The following GBF1 variants were observed in gnomAD, a reference collection of about 807,000 sequenced individuals.
GBF1 encodes the protein golgi brefeldin A resistant guanine nucleotide exchange factor 1.
In GBF1, 114 loss-of-function variants were observed where a neutral mutation model predicts 210.5. The observed-to-expected ratio is 0.54, with a 90% CI of 0.47 to 0.63. The LOEUF (loss-of-function observed/expected upper bound fraction) is 0.63, where lower values mean the gene tolerates loss of function less well. Among genes scored for constraint, GBF1 ranks in the 30% least tolerant of loss-of-function variants. The probability of loss-of-function intolerance (pLI) is 0.00; values close to 1 mark genes in which losing one functional copy is unlikely to be tolerated. For synonymous variants in GBF1, 850 were observed against 889.2 expected, an observed-to-expected ratio of 0.96 and a Z score of 0.78; for missense variants, 1,851 against 2,357.7, an observed-to-expected ratio of 0.79 and a Z score of 4.45.
the GBF1 span, among the ~76,000 whole-genome samples, chr10:102,235,177 CCA>C: frequency 6.3e-3 from 718 of 114,852 alleles, 8 homozygotes; most frequent in East Asian, 7.2e-3. Flanking sequence ...CCCCCACCCC[CCA>C]CCCCCCCACC....
rs371117105 is a variant in GBF1 at position 102,380,349 on chromosome 10, C to T, written c.4979C>T (p.Ser1660Phe). Residue 1660 changes from serine (S) to phenylalanine (F), a missense_variant, in exon 37 of 40, where the codon TCC becomes TTC. By Grantham distance (155) the Ser-to-Phe change is radical. Around this residue, in one of 3 missense-constraint regions of GBF1, gnomAD observed 967 missense variants for 1,247.7 expected, o/e 0.78. Coordinates refer to ENST00000369983, the MANE Select transcript of GBF1 (RefSeq NM_001377137.1). ...ATGGACAAGTACATGCACGCAGGCT[C>T]CAGCGACTTACTGGTATGTTCTACC... ...DFMDKYMHAG[S>F]SDLLSEAIPE... 8 of 1,612,234 alleles carry T rather than the reference C, an allele frequency of 5.0e-6. No homozygotes were observed. The Admixed American group carries it at 6.7e-5, about 13-fold the overall frequency.
At chr10:102,287,421 C>T (rs2076060124) in intron 3 of GBF1, among the ~76,000 whole-genome samples, 1 of 128,372 alleles carries the variant, frequency 7.8e-6, no homozygotes, top group South Asian at 2.7e-4. Flanking sequence ...CTCCTGGGCT[C>T]AAGTGATCCT....
chr10:102,294,024 C>T lies in GBF1; in HGVS notation c.163+33908C>T, dbSNP rs568164619. Among the ~76,000 whole-genome samples the T allele has an allele frequency of 1.8e-3, 273 of 151,652 alleles. 1 individual carries two copies. Among genetic ancestry groups the T allele is most frequent in the African/African-American group, 5.9e-3 (243 of 41,370 alleles). On this transcript the variant is annotated intron_variant, in intron 3 of 39. Transcript: ENST00000369983. ...CGATCTCCTGACCTCATGATCCACC[C>T]GCCTCGGCCTCCCAAAGTGCTGGAA...
intron 3 of GBF1, among the ~76,000 whole-genome samples, chr10:102,280,856 G>A (rs1177858951): frequency 3.3e-5 from 5 of 152,232 alleles, no homozygotes; most frequent in Admixed American, 2.6e-4. Flanking sequence ...GGTAAATATA[G>A]CAGGAGCAGG....
intron 3 of GBF1, among the ~76,000 whole-genome samples, chr10:102,269,159 A>G (rs779677430): frequency 2.0e-5 from 3 of 152,174 alleles, no homozygotes; most frequent in Non-Finnish European, 2.9e-5. Context: ...CACTGTTACC[A>G]CTGTAGGTCG....
intron 3 of GBF1, among the ~76,000 whole-genome samples, chr10:102,331,709 C>T (rs1808256229): frequency 6.6e-6 from 1 of 152,016 alleles, no homozygotes; most frequent in African/African-American, 2.4e-5. Context: ...GAGACAGGGC[C>T]TCACTCTGTC....
In GBF1 at chr10:102,363,400, G is replaced by T; in HGVS notation, c.2017+4G>T. On this transcript the variant is annotated splice_donor_region_variant and intron_variant, in intron 16 of 39. Coordinates refer to ENST00000369983, the MANE Select transcript of GBF1 (RefSeq NM_001377137.1). The surrounding 1 kb of genome is among the most constrained non-coding windows in gnomAD (Gnocchi z 4.2). ...GAGGAAGCTGTTGACTCTGGGGGTG[G>T]GTACTGGGTGTCCATGACCCTAAGC... The T allele has an allele frequency of 6.2e-7, 1 of 1,612,102 alleles. No individual in the cohort carries two copies. Among genetic ancestry groups the T allele is most frequent in the Non-Finnish European group, 8.5e-7 (1 of 1,178,794 alleles).
At chr10:102,329,977 G>A (rs993663959) in intron 3 of GBF1, among the ~76,000 whole-genome samples, 2 of 152,068 alleles carry the variant, frequency 1.3e-5, no homozygotes, top group Non-Finnish European at 2.9e-5. Flanking sequence ...GGGCATGGTG[G>A]CACATGCCAG....
intron 21 of GBF1, 152 bp downstream of exon 21, chr10:102,367,712 G>T: frequency 1.6e-6 from 1 of 641,094 alleles, no homozygotes; most frequent in South Asian, 1.8e-5. Context: ...TCTGCCAACT[G>T]TTTCTTCCTT....
chr10:102,237,736 G>A, the GBF1 span, among the ~76,000 whole-genome samples: 2 of 152,022 alleles, frequency 1.3e-5, no homozygotes, highest in African/African-American at 4.8e-5. Context: ...CCATACTTTA[G>A]TCATGGATTA....
intron 24 of GBF1, 152 bp downstream of exon 24, chr10:102,369,539 C>A: frequency 1.1e-6 from 1 of 878,546 alleles, no homozygotes; most frequent in Non-Finnish European, 1.8e-6. Flanking sequence ...GACCACAGAT[C>A]TTGGGGGATA....
At chr10:102,230,737 G>A in the GBF1 span, 12 of 1,498,124 alleles carry the variant, frequency 8.0e-6, no homozygotes, top group Non-Finnish European at 1.1e-5. Context: ...GGAGGACACG[G>A]CGGCCGGAGC....
Position 102,367,591 on chromosome 10 carries a change from T to C in GBF1, c.2642+31T>C, listed in dbSNP as rs756797112. 3.3e-5 allele frequency: 40 copies of C among 1,216,916 alleles called. No individual in the cohort carries two copies. The South Asian group carries it at 4.8e-4, about 15-fold the overall frequency. The allele number at this position is 1,216,916 out of a possible 1,614,324, so 75.4% of individuals were successfully genotyped here. ...TATACATAGAGAATAGTGCAGTATC[T>C]CTGTTAAGAAGAAGCACATTGCTTC... On this transcript the variant is annotated intron_variant, in intron 21 of 39. Transcript: ENST00000369983.
rs2075839435 is a variant in GBF1 at position 102,285,254 on chromosome 10, T to G, written c.163+25138T>G. Among the ~76,000 whole-genome samples the G allele has an allele frequency of 2.0e-5, 3 of 152,236 alleles. No homozygotes were observed. In the East Asian group the frequency reaches 5.8e-4, roughly 29 times the overall value. ...AGATGATGGTATTTCTGGTTTCATT[T>G]GCCATCAGAATCCTGGACCAGGCAA... On this transcript the variant is annotated intron_variant, in intron 3 of 39. Coordinates refer to ENST00000369983, the MANE Select transcript of GBF1 (RefSeq NM_001377137.1).
At position 102,254,961 on chromosome 10, in the gene GBF1, G is replaced by A. The variant is rs530082380; in HGVS notation, c.-10-3968G>A. Among the ~76,000 whole-genome samples the A allele has an allele frequency of 2.0e-5, 3 of 152,296 alleles. No homozygotes were observed. The East Asian group carries it at 5.8e-4, about 29-fold the overall frequency. ...GCACAACTGTTTGGAGATTCCCTGA[G>A]TGAGGGGACATACTCAGAGACCTAG... On this transcript the variant is annotated intron_variant, in intron 1 of 39. Coordinates refer to ENST00000369983, the MANE Select transcript of GBF1 (RefSeq NM_001377137.1).
At position 102,261,615 on chromosome 10, in the gene GBF1, CTT is replaced by C. The variant is rs10711743; in HGVS notation, c.163+1516_163+1517del. Reference sequence around the variant, plus strand: ...CCCTACATATTTTCTTTCTTTCTTTCTTTTTTTTTTTTTTTTTTGAAACAGTG... The same window carrying C: ...CCCTACATATTTTCTTTCTTTCTTTCTTTTTTTTTTTTTTTTGAAACAGTG... On this transcript the variant is annotated intron_variant, in intron 3 of 39. Transcript: ENST00000369983. Among the ~76,000 whole-genome samples the C allele has an allele frequency of 4.4e-3, 515 of 116,060 alleles. 1 individual carries two copies. Among genetic ancestry groups the C allele is most frequent in the African/African-American group, 0.011 (331 of 29,410 alleles). 76.1% of individuals were successfully genotyped at this position (116,060 alleles called of 152,430 possible). A position where few individuals can be genotyped will look rare whatever the true frequency, so the allele number is the denominator to read the frequency against.
At chr10:102,301,290 G>A (rs1168309720) in intron 3 of GBF1, among the ~76,000 whole-genome samples, 1 of 152,150 alleles carries the variant, frequency 6.6e-6, no homozygotes, top group Non-Finnish European at 1.5e-5. Context: ...GAGAGCACGG[G>A]GTTGGGGGTA....
At chr10:102,318,674 TC>T (rs1157121978) in intron 3 of GBF1, among the ~76,000 whole-genome samples, 3 of 152,078 alleles carry the variant, frequency 2.0e-5, no homozygotes, top group Non-Finnish European at 4.4e-5. Flanking sequence ...AAGTCCAACT[TC>T]CCCCCCTTCA....
chr10:102,375,416 A>C lies in GBF1; in HGVS notation c.3718A>C (p.Ser1240Arg), dbSNP rs1488855178. Residue 1240 changes from serine to arginine, a missense_variant, in exon 30 of 40, where the codon AGC becomes CGC. Ser to Arg is a moderately radical substitution (Grantham distance 110). Coordinates refer to ENST00000369983, the MANE Select transcript of GBF1 (RefSeq NM_001377137.1). ...GAAGCCCAGTGTGCTATCCCGAGTC[A>C]GCCACCAGGTTGCGTATGGGCTCCA... ...LMKPSVLSRV[S>R]HQVAYGLHEL... 1 of 1,613,876 alleles carries C rather than the reference A, an allele frequency of 6.2e-7. No homozygotes were observed. Among genetic ancestry groups the C allele is most frequent in the Non-Finnish European group, 8.5e-7 (1 of 1,179,884 alleles).
Sources: allele counts gnomAD v4.1 joint callset (sites outside exome capture counted in the v4.1 genomes callset), GRCh38; gene constraint gnomAD v4.1.1; regional missense constraint gnomAD v4.1.1; non-coding constraint Gnocchi (gnomAD v3.1); transcripts MANE v1.5; gene names NCBI Gene and HGNC (gene_info 2026-07-23, HGNC 2026-07-21).